Variants in SMURF2 observed in about 807,000 individuals in gnomAD.
SMURF2 encodes SMAD specific E3 ubiquitin protein ligase 2, also known as E3 ubiquitin-protein ligase SMURF2.
A neutral mutation model predicts 109.6 loss-of-function variants in SMURF2; 48 were observed. The observed-to-expected ratio is 0.44, with a 90% confidence interval of 0.35 to 0.56. SMURF2 has a LOEUF of 0.56. Ranked by LOEUF, SMURF2 falls within the 20% of genes least tolerant of loss-of-function variation. SMURF2 has a pLI of 0.01. For synonymous variants in SMURF2, 288 were observed against 317.1 expected (o/e 0.91, Z 0.97); for missense variants, 575 against 909.0 (o/e 0.63, Z 4.72).
chr17:64,648,787 C>T (rs1207271675), intron 1 of SMURF2, among the ~76,000 whole-genome samples: 1 of 152,076 alleles, frequency 6.6e-6, no homozygotes, highest in Non-Finnish European at 1.5e-5. Context: ...AAAACACACA[C>T]ACACACACAA....
chr17:64,660,115 G>C (rs1317302990), intron 1 of SMURF2, among the ~76,000 whole-genome samples: 2 of 152,080 alleles, frequency 1.3e-5, no homozygotes, highest in Non-Finnish European at 2.9e-5. Context: ...GGAAACCACA[G>C]ATAAACACTT....
At chr17:64,599,834 A>G (rs1969869531) in intron 2 of SMURF2, among the ~76,000 whole-genome samples, 1 of 151,744 alleles carries the variant, frequency 6.6e-6, no homozygotes, top group African/African-American at 2.4e-5. Context: ...ATACAGGAGA[A>G]GGAGGACTTT....
intron 15 of SMURF2, 62 bp from the exon 16 acceptor site, chr17:64,551,766 T>C: frequency 6.3e-7 from 1 of 1,592,684 alleles, no homozygotes; most frequent in Non-Finnish European, 8.6e-7. Context: ...TAATTATTAT[T>C]ATAAATCTCT....
intron 10 of SMURF2, among the ~76,000 whole-genome samples, chr17:64,566,561 G>GTCTTTTTTT (rs1969305752): frequency 2.3e-5 from 1 of 43,784 alleles, no homozygotes. Flanking sequence ...AAGCTTTCTG[G>GTCTTTTTTT]TTTTTTTTTT....
chr17:64,656,934 CA>C (rs1451443596), intron 1 of SMURF2, among the ~76,000 whole-genome samples: 1 of 152,096 alleles, frequency 6.6e-6, no homozygotes, highest in African/African-American at 2.4e-5. Flanking sequence ...AACATCTTGG[CA>C]AACTACAGTA....
intron 1 of SMURF2, among the ~76,000 whole-genome samples, chr17:64,655,100 G>T (rs74810786): frequency 0.031 from 4,680 of 151,858 alleles, 236 homozygotes; most frequent in African/African-American, 0.11. Flanking sequence ...TCAAACACAG[G>T]AAGAAAATTA....
intron 1 of SMURF2, among the ~76,000 whole-genome samples, chr17:64,620,304 T>G (rs1970184763): frequency 6.6e-6 from 1 of 152,208 alleles, no homozygotes; most frequent in South Asian, 2.1e-4. Flanking sequence ...TTGTGAGTTA[T>G]CTAATATCCA....
intron 10 of SMURF2, among the ~76,000 whole-genome samples, chr17:64,564,570 A>G (rs996217970): frequency 4.6e-5 from 7 of 152,196 alleles, no homozygotes; most frequent in African/African-American, 1.7e-4. Context: ...ATGGCCTTAA[A>G]TCCAAAAACT....
At chr17:64,624,658 C>T (rs1970245809) in intron 1 of SMURF2, among the ~76,000 whole-genome samples, 1 of 151,370 alleles carries the variant, frequency 6.6e-6, no homozygotes, top group Middle Eastern at 3.2e-3. Context: ...CTCATCTCTA[C>T]AAAAAACTTT....
At chr17:64,584,634 G>A (rs1193737901) in intron 6 of SMURF2, among the ~76,000 whole-genome samples, 1 of 152,030 alleles carries the variant, frequency 6.6e-6, no homozygotes, top group Non-Finnish European at 1.5e-5. Flanking sequence ...TGGGATTACA[G>A]GCGTAAGCCA....
chr17:64,554,498 G>C (rs1038379597), intron 15 of SMURF2, among the ~76,000 whole-genome samples: 2 of 152,110 alleles, frequency 1.3e-5, no homozygotes, highest in Admixed American at 6.5e-5. Flanking sequence ...GGAGAACCAA[G>C]GAACTCAGCC....
chr17:64,642,263 G>C (rs1970501521), intron 1 of SMURF2, among the ~76,000 whole-genome samples: 1 of 152,210 alleles, frequency 6.6e-6, no homozygotes, highest in South Asian at 2.1e-4. Context: ...GAAAAGCTAT[G>C]TAATATTACT....
In SMURF2 at chr17:64,617,728, C is replaced by T. The variant is rs115466328; in HGVS notation, c.53-11088G>A. 3.0e-3 allele frequency among the ~76,000 whole-genome samples: 462 copies of T among 152,248 alleles called. 2 individuals carry two copies. Among genetic ancestry groups the T allele is most frequent in the African/African-American group, 0.011 (449 of 41,538 alleles). ...AAGCAATCCTCCTACCTCAGTCTCC[C>T]AGACTGTTAGAATTACAGGCATGAG... is the stretch of plus-strand genomic sequence containing the variant. On this transcript the variant is annotated intron_variant, in intron 1 of 18. Transcript: ENST00000262435.
At chr17:64,568,924 C>G (rs559476289) in intron 10 of SMURF2, among the ~76,000 whole-genome samples, 1 of 151,916 alleles carries the variant, frequency 6.6e-6, no homozygotes, top group Non-Finnish European at 1.5e-5. Context: ...ATCGCTTGAA[C>G]CCAAGAGGCA....
intron 6 of SMURF2, among the ~76,000 whole-genome samples, chr17:64,584,986 G>A (rs1314471857): frequency 2.6e-5 from 4 of 152,042 alleles, no homozygotes; most frequent in African/African-American, 9.7e-5. Context: ...ATATCTAGAA[G>A]CTAAAGTGAC....
intron 1 of SMURF2, among the ~76,000 whole-genome samples, chr17:64,643,001 T>C (rs548753141): frequency 1.3e-5 from 2 of 152,136 alleles, no homozygotes; most frequent in East Asian, 3.9e-4. Context: ...TTCACCCTGT[T>C]ATCCAGGCTT....
chr17:64,638,771 A>G (rs1970455903), intron 1 of SMURF2, among the ~76,000 whole-genome samples: 1 of 152,208 alleles, frequency 6.6e-6, no homozygotes, highest in African/African-American at 2.4e-5. Flanking sequence ...CGTTTATGTC[A>G]CAATGCCCCA....
rs538612999 is a variant in SMURF2, at chr17:64,543,420, T to C, written c.*2428A>G. Reference sequence around the variant, plus strand: ...CTCCCAAGTAGTTGGATTACAGGAGTGCGCCACCATGCCCGGCTAAATTTT... The same window carrying C: ...CTCCCAAGTAGTTGGATTACAGGAGCGCGCCACCATGCCCGGCTAAATTTT... On this transcript the variant is annotated 3_prime_UTR_variant, in exon 19 of 19. Coordinates refer to ENST00000262435, the MANE Select transcript of SMURF2 (RefSeq NM_022739.4). 15 of 151,794 alleles carry C rather than the reference T, an allele frequency of 9.9e-5. No individual in the cohort carries two copies. Among genetic ancestry groups the C allele is most frequent in the African/African-American group, 3.6e-4 (15 of 41,346 alleles). The allele number at this position is 151,794 out of a possible 1,614,324, so 9.4% of individuals were successfully genotyped here. A position where few individuals can be genotyped will look rare whatever the true frequency, so the allele number is the denominator to read the frequency against.
chr17:64,602,900 G>A (rs1046830058), intron 2 of SMURF2, among the ~76,000 whole-genome samples: 3 of 151,980 alleles, frequency 2.0e-5, no homozygotes, highest in Non-Finnish European at 4.4e-5. Context: ...ACTCCAGCCC[G>A]GGTGTCAGAG....
Sources: gnomAD v4.1 joint callset for allele counts (sites outside exome capture counted in the v4.1 genomes callset) on GRCh38, gnomAD v4.1.1 for gene constraint, MANE v1.5 for transcripts, NCBI Gene and HGNC (gene_info 2026-07-23, HGNC 2026-07-21) for gene names.